Variants in TRPC6 observed in about 807,000 individuals in gnomAD.
The protein encoded by TRPC6 is transient receptor potential cation channel subfamily C member 6.
In TRPC6, 55 loss-of-function variants were observed where a neutral mutation model predicts 90.7. The ratio of observed to expected loss-of-function variants is 0.61; its 90% CI spans 0.49 to 0.76. The LOEUF (loss-of-function observed/expected upper bound fraction) is 0.76. Among genes scored for constraint, TRPC6 ranks in the 30% least tolerant of loss-of-function variants. The pLI is 0.00. For synonymous variants in TRPC6, 393 were observed against 393.0 expected (o/e 1.00, Z 0.00); for missense variants, 989 against 1,122.7 (o/e 0.88, Z 1.70).
At chr11:101,533,289 G>A (rs1486023756) in intron 1 of TRPC6, among the ~76,000 whole-genome samples, 3 of 152,138 alleles carry the variant, frequency 2.0e-5, no homozygotes, top group South Asian at 2.1e-4. Context: ...GAGGCCTCAC[G>A]AGGCTTCCAA....
intron 4 of TRPC6, among the ~76,000 whole-genome samples, chr11:101,487,138 C>T (rs1261617068): frequency 6.6e-6 from 1 of 152,042 alleles, no homozygotes; most frequent in Non-Finnish European, 1.5e-5. Flanking sequence ...TGTGTCAAAG[C>T]ACCAGACACT....
chr11:101,582,691 G>A (rs1286363572), intron 1 of TRPC6, among the ~76,000 whole-genome samples: 6 of 152,060 alleles, frequency 3.9e-5, no homozygotes, highest in African/African-American at 1.2e-4. Context: ...CGTCTCCCCA[G>A]ACGCCCCGGG....
intron 1 of TRPC6, among the ~76,000 whole-genome samples, chr11:101,568,845 TA>T (rs1420908755): frequency 1.3e-5 from 2 of 152,156 alleles, no homozygotes; most frequent in Admixed American, 1.3e-4. Context: ...GCCTGCCTTA[TA>T]AGAGCTCCTG....
chr11:101,573,920 A>ATGTGTGTGTGTG (rs1862016895), intron 1 of TRPC6, among the ~76,000 whole-genome samples: 1 of 63,774 alleles, frequency 1.6e-5, no homozygotes, highest in Non-Finnish European at 3.6e-5. Flanking sequence ...AGAAACAAAT[A>ATGTGTGTGTGTG]CGTGTGTGTG....
chr11:101,509,614 T>C (rs1860353445), intron 1 of TRPC6, among the ~76,000 whole-genome samples: 1 of 152,154 alleles, frequency 6.6e-6, no homozygotes. Context: ...AAGTTCTATC[T>C]TGGCAAGCCA....
intron 1 of TRPC6, among the ~76,000 whole-genome samples, chr11:101,570,824 C>G (rs1298414362): frequency 6.6e-6 from 1 of 151,986 alleles, no homozygotes; most frequent in East Asian, 1.9e-4. Context: ...ATGCAACAGC[C>G]CTTCATGATA....
intron 5 of TRPC6, among the ~76,000 whole-genome samples, chr11:101,479,276 C>T (rs1396598023): frequency 1.3e-5 from 2 of 152,214 alleles, no homozygotes; most frequent in Non-Finnish European, 2.9e-5. Context: ...AAGAGTCAGC[C>T]CAGGACTGCA....
At chr11:101,558,856 T>G (rs1304441172) in intron 1 of TRPC6, among the ~76,000 whole-genome samples, 10 of 152,160 alleles carry the variant, frequency 6.6e-5, no homozygotes, top group Non-Finnish European at 1.5e-4. Context: ...CCATGCCATA[T>G]GCAAACATCA....
At chr11:101,539,383 G>A (rs939773659) in intron 1 of TRPC6, among the ~76,000 whole-genome samples, 1 of 152,170 alleles carries the variant, frequency 6.6e-6, no homozygotes, top group Non-Finnish European at 1.5e-5. Flanking sequence ...GGGCCTTCTA[G>A]TAAATATCTA....
intron 1 of TRPC6, among the ~76,000 whole-genome samples, chr11:101,530,699 C>T (rs1199719804): frequency 6.6e-6 from 1 of 152,124 alleles, no homozygotes; most frequent in Admixed American, 6.5e-5. Flanking sequence ...TGCCCAGGGA[C>T]CAAACAATAT....
chr11:101,532,285 G>A (rs537985886), intron 1 of TRPC6, among the ~76,000 whole-genome samples: 2 of 152,254 alleles, frequency 1.3e-5, no homozygotes, highest in African/African-American at 2.4e-5. Flanking sequence ...CCTTCAAGGT[G>A]GAATTTGGTT....
intron 10 of TRPC6, among the ~76,000 whole-genome samples, chr11:101,460,848 G>A (rs776468929): frequency 3.9e-5 from 6 of 152,160 alleles, no homozygotes; most frequent in Non-Finnish European, 7.3e-5. Context: ...CCCAAGGGTT[G>A]CTATGAATAT....
At chr11:101,557,327 C>G (rs971522571) in intron 1 of TRPC6, among the ~76,000 whole-genome samples, 2 of 152,088 alleles carry the variant, frequency 1.3e-5, no homozygotes, top group African/African-American at 4.8e-5. Context: ...TGCACTCCAG[C>G]CTGGGTGGCA....
intron 1 of TRPC6, among the ~76,000 whole-genome samples, chr11:101,543,672 G>A (rs1211492304): frequency 6.6e-6 from 1 of 152,210 alleles, no homozygotes; most frequent in Admixed American, 6.5e-5. Context: ...GGGAAAACTG[G>A]CTAGCCATAT....
intron 11 of TRPC6, among the ~76,000 whole-genome samples, 190 bp downstream of exon 11, chr11:101,454,828 T>C (rs1017566693): frequency 2.3e-5 from 3 of 128,822 alleles, no homozygotes; most frequent in African/African-American, 1.2e-4. Flanking sequence ...ATTCCAATAC[T>C]TTATTTTTTT....
In TRPC6 at chr11:101,463,385, T is replaced by C. The variant is rs557258142; in HGVS notation, c.2484+6042A>G. 4.1e-4 allele frequency among the ~76,000 whole-genome samples: 62 copies of C among 152,332 alleles called. 1 individual carries two copies. In the South Asian group the frequency reaches 6.2e-3, roughly 15 times the overall value. On this transcript the variant is annotated intron_variant, in intron 10 of 12. Transcript: ENST00000344327. Reference sequence around the variant, plus strand: ...TTTGGAATAGTTTCAGAAGGAATGGTACCAGCTCCTCTTTGTACCTCTGGT... The same window carrying C: ...TTTGGAATAGTTTCAGAAGGAATGGCACCAGCTCCTCTTTGTACCTCTGGT...
At chr11:101,455,367 C>T (rs1287048975) in intron 10 of TRPC6, 5 of 377,094 alleles carry the variant, frequency 1.3e-5, no homozygotes, top group South Asian at 2.8e-5. Context: ...ATGAGAATCA[C>T]GCGTTAACCT....
At chr11:101,466,760 AAAAC>A (rs564013807) in intron 10 of TRPC6, among the ~76,000 whole-genome samples, 100 of 152,234 alleles carry the variant, frequency 6.6e-4, no homozygotes, top group Middle Eastern at 3.4e-3. Flanking sequence ...GTATGGGGAA[AAAAC>A]AAACAAACAA....
At chr11:101,550,451 C>A (rs1861425958) in intron 1 of TRPC6, among the ~76,000 whole-genome samples, 1 of 151,508 alleles carries the variant, frequency 6.6e-6, no homozygotes, top group Non-Finnish European at 1.5e-5. Context: ...ATACTTTTTT[C>A]TTAATTTTAA....
Sources: gnomAD v4.1 joint callset for allele counts (sites outside exome capture counted in the v4.1 genomes callset) on GRCh38, gnomAD v4.1.1 for gene constraint, MANE v1.5 for transcripts, NCBI Gene and HGNC (gene_info 2026-07-23, HGNC 2026-07-21) for gene names.